Variants in SLC4A10 observed in about 807,000 individuals in gnomAD.
The protein encoded by SLC4A10 is solute carrier family 4 member 10.
Under a neutral mutation model 137.7 loss-of-function variants are expected in SLC4A10, and 42 were observed. That is an observed-to-expected ratio of 0.30 (90% CI 0.24 to 0.39). The LOEUF is 0.39. Among genes scored for constraint, SLC4A10 ranks in the 10% least tolerant of loss-of-function variants. SLC4A10 has a pLI of 1.00. For missense variants in SLC4A10, 925 were observed against 1,355.0 expected (o/e 0.68, Z 4.98); for synonymous variants, 474 against 464.1 (o/e 1.02, Z -0.27).
chr2:161,705,072 A>C (rs1349305651), intron 1 of SLC4A10, among the ~76,000 whole-genome samples: 2 of 151,686 alleles, frequency 1.3e-5, no homozygotes, highest in Non-Finnish European at 3.0e-5. Context: ...ATAAAAGGTA[A>C]AATCTTTATG....
chr2:161,849,320 T>C lies in SLC4A10; in HGVS notation c.417-5650T>C, dbSNP rs147279485. Among the ~76,000 whole-genome samples the C allele has an allele frequency of 6.4e-3, 980 of 152,264 alleles. 18 individuals are homozygous for C. The highest frequency in any genetic ancestry group is 0.043 in the South Asian group (206 of 4,828). Reference sequence around the variant, plus strand: ...CCTCAAGCAGAGATTATGGTTTTCCTAGGTATAGTATCATATCATTTGCGA... The same window carrying C: ...CCTCAAGCAGAGATTATGGTTTTCCCAGGTATAGTATCATATCATTTGCGA... On this transcript the variant is annotated intron_variant, in intron 4 of 26. Transcript: ENST00000446997.
At chr2:161,938,651 C>T (rs963507084) in intron 15 of SLC4A10, among the ~76,000 whole-genome samples, 1 of 149,090 alleles carries the variant, frequency 6.7e-6, no homozygotes, top group African/African-American at 2.5e-5. Flanking sequence ...ATGATATGTA[C>T]AAGAGAAGTA....
At chr2:161,749,076 T>C (rs1211442684) in intron 1 of SLC4A10, among the ~76,000 whole-genome samples, 4 of 152,008 alleles carry the variant, frequency 2.6e-5, no homozygotes, top group Non-Finnish European at 5.9e-5. Context: ...TTCTCTCAGA[T>C]AGATTGTTTT....
intron 26 of SLC4A10, 24 bp from the exon 27 acceptor site, chr2:161,983,155 T>C: frequency 6.5e-7 from 1 of 1,535,858 alleles, no homozygotes. Context: ...CAGTAATAAA[T>C]GTGTCCTTTT....
At position 161,904,650 on chromosome 2, in the gene SLC4A10, C is replaced by T. The variant is rs190061972; in HGVS notation, c.1618-126C>T. 3.9e-3 allele frequency: 4,588 copies of T among 1,162,452 alleles called. 8 individuals carry two copies. Among genetic ancestry groups the T allele is most frequent in the Non-Finnish European group, 5.0e-3 (4,135 of 830,246 alleles). 72.0% of individuals were successfully genotyped at this position (1,162,452 alleles called of 1,614,324 possible). ...GTCATCCTTCTACCCCACGTCTTGCCCAGGGTTGCTAGACTTTTCAGGGTG... is the reference window on the plus strand; with the variant it reads ...GTCATCCTTCTACCCCACGTCTTGCTCAGGGTTGCTAGACTTTTCAGGGTG... On this transcript the variant is annotated intron_variant, in intron 13 of 26. Coordinates refer to ENST00000446997, the MANE Select transcript of SLC4A10 (RefSeq NM_001178015.2).
chr2:161,931,598 T>A (rs1378922229), intron 15 of SLC4A10: 4 of 152,216 alleles, frequency 2.6e-5, no homozygotes, highest in African/African-American at 7.2e-5. Flanking sequence ...TCCTCCAGGA[T>A]GCATCAGAGT....
chr2:161,680,009 A>G (rs746628194), intron 1 of SLC4A10, among the ~76,000 whole-genome samples: 91 of 151,940 alleles, frequency 6.0e-4, no homozygotes, highest in Admixed American at 1.5e-3. Flanking sequence ...AATTACTTCA[A>G]TTTTTCTGAA....
At chr2:161,726,312 T>C (rs1174154906) in intron 1 of SLC4A10, among the ~76,000 whole-genome samples, 1 of 152,158 alleles carries the variant, frequency 6.6e-6, no homozygotes, top group African/African-American at 2.4e-5. Flanking sequence ...TGAAGTAAAA[T>C]GAGGAGGCTT....
intron 3 of SLC4A10, among the ~76,000 whole-genome samples, chr2:161,828,111 C>G (rs2058146472): frequency 6.6e-6 from 1 of 152,114 alleles, no homozygotes; most frequent in Non-Finnish European, 1.5e-5. Context: ...TGTCTTGCAA[C>G]CAAGTTTCCC....
At chr2:161,873,063 C>T (rs1236917960) in intron 7 of SLC4A10, among the ~76,000 whole-genome samples, 1 of 152,084 alleles carries the variant, frequency 6.6e-6, no homozygotes, top group Admixed American at 6.5e-5. Flanking sequence ...TTCAAAATCA[C>T]TTTTCTTCTA....
intron 1 of SLC4A10, among the ~76,000 whole-genome samples, chr2:161,745,551 G>T (rs1325527086): frequency 6.6e-6 from 1 of 152,002 alleles, no homozygotes; most frequent in Non-Finnish European, 1.5e-5. Context: ...CTGTCACTCT[G>T]GAATTGGTCA....
chr2:161,678,575 A>G (rs2040510984), intron 1 of SLC4A10, among the ~76,000 whole-genome samples: 1 of 152,172 alleles, frequency 6.6e-6, no homozygotes, highest in African/African-American at 2.4e-5. Context: ...TGATCAAGGT[A>G]TACAACTTTT....
At chr2:161,777,225 T>G (rs2052459421) in intron 2 of SLC4A10, among the ~76,000 whole-genome samples, 2 of 151,824 alleles carry the variant, frequency 1.3e-5, no homozygotes, top group Non-Finnish European at 2.9e-5. Flanking sequence ...GTTATTGAGT[T>G]GTAGGAGGTC....
At chr2:161,737,128 T>G (rs1434706949) in intron 1 of SLC4A10, among the ~76,000 whole-genome samples, 1 of 152,098 alleles carries the variant, frequency 6.6e-6, no homozygotes, top group Non-Finnish European at 1.5e-5. Flanking sequence ...CAAAGTGCTT[T>G]GATCACAAGT....
intron 2 of SLC4A10, among the ~76,000 whole-genome samples, chr2:161,798,250 C>CT (rs1205456021): frequency 2.0e-5 from 3 of 151,796 alleles, no homozygotes; most frequent in Admixed American, 6.6e-5. Flanking sequence ...TGTACTTGAC[C>CT]TTTTTGTATG....
At chr2:161,888,215 G>A (rs1172463271) in intron 10 of SLC4A10, among the ~76,000 whole-genome samples, 1 of 152,134 alleles carries the variant, frequency 6.6e-6, no homozygotes, top group African/African-American at 2.4e-5. Context: ...ATAGTTTGAA[G>A]TCAGGTAGTG....
intron 1 of SLC4A10, among the ~76,000 whole-genome samples, chr2:161,760,580 G>C (rs1559187036): frequency 6.6e-6 from 1 of 151,940 alleles, no homozygotes; most frequent in Non-Finnish European, 1.5e-5. Flanking sequence ...CTCAGCTCTT[G>C]TTTTGATACT....
chr2:161,780,647 A>G (rs1286795836), intron 2 of SLC4A10, among the ~76,000 whole-genome samples: 1 of 152,084 alleles, frequency 6.6e-6, no homozygotes, highest in Non-Finnish European at 1.5e-5. Flanking sequence ...GCTCATATAA[A>G]TCAATGATTT....
chr2:161,855,703 T>C lies in SLC4A10; in HGVS notation c.577+573T>C, dbSNP rs146162164. On this transcript the variant is annotated intron_variant, in intron 5 of 26. Transcript: ENST00000446997. Reference sequence around the variant, plus strand: ...GACAGGTATATTTAGGAAATGTTATTATTACAGAAATTGAGTCAAAGAACT... The same window carrying C: ...GACAGGTATATTTAGGAAATGTTATCATTACAGAAATTGAGTCAAAGAACT... 6.6e-4 allele frequency among the ~76,000 whole-genome samples: 101 copies of C among 152,222 alleles called. No individual in the cohort carries two copies. The East Asian group carries it at 0.018, about 28-fold the overall frequency.
Sources: gnomAD v4.1 joint callset for allele counts (sites outside exome capture counted in the v4.1 genomes callset) on GRCh38, gnomAD v4.1.1 for gene constraint, MANE v1.5 for transcripts, NCBI Gene and HGNC (gene_info 2026-07-23, HGNC 2026-07-21) for gene names.